The following RAPGEF1 variants were observed in gnomAD, a reference collection of about 807,000 sequenced individuals.
The protein encoded by RAPGEF1 is CRK SH3-binding GNRP.
A neutral mutation model predicts 143.3 loss-of-function variants in RAPGEF1; 33 were observed. The ratio of observed to expected loss-of-function variants is 0.23; its 90% confidence interval spans 0.17 to 0.31. The LOEUF (loss-of-function observed/expected upper bound fraction) is 0.31, where lower values mean the gene tolerates loss of function less well. RAPGEF1 is among the 10% of genes least tolerant of loss of function. The probability of loss-of-function intolerance (pLI) is 1.00; values close to 1 mark genes in which losing one functional copy is unlikely to be tolerated. For synonymous variants in RAPGEF1, 629 were observed against 676.5 expected, an observed-to-expected ratio of 0.93 and a Z score of 1.09; for missense variants, 1,199 against 1,645.4, an observed-to-expected ratio of 0.73 and a Z score of 4.69.
chr9:131,582,584 C>T (rs1952036978), intron 25 of RAPGEF1, 21 bp downstream of exon 25: 18 of 1,481,972 alleles, frequency 1.2e-5, no homozygotes, highest in Non-Finnish European at 1.4e-5. Flanking sequence ...GGGCTGGGGG[C>T]CTGGAGGGGC....
At chr9:131,724,083 C>G (rs896101490) in intron 1 of RAPGEF1, among the ~76,000 whole-genome samples, 1 of 152,194 alleles carries the variant, frequency 6.6e-6, no homozygotes, top group African/African-American at 2.4e-5. Flanking sequence ...GTGAAAAACA[C>G]AGGTTTCATA....
At position 131,582,604 on chromosome 9, in the gene RAPGEF1, C is replaced by T; in HGVS notation, c.3512+1G>A. On this transcript the variant is annotated splice_donor_variant, in intron 25 of 26. Transcript: ENST00000683357. LOFTEE classifies it high-confidence loss of function. ...GGGGGCCTGGAGGGGCTGCTACTCA[C>T]AGGTACGGGATGCACGGCGGTTCCA... The T allele has an allele frequency of 6.6e-7, 1 of 1,513,146 alleles. No individual in the cohort carries two copies. The allele number at this position is 1,513,146 out of a possible 1,614,324, so 93.7% of individuals were successfully genotyped here.
rs1409661309 is a variant in RAPGEF1, at chr9:131,619,223, A to G, written c.1906-17T>C. The G allele has an allele frequency of 3.8e-6, 5 of 1,301,646 alleles. No individual in the cohort carries two copies. Among genetic ancestry groups the G allele is most frequent in the Non-Finnish European group, 3.0e-6 (3 of 986,818 alleles). The allele number at this position is 1,301,646 out of a possible 1,614,324, so 80.6% of individuals were successfully genotyped here. On this transcript the variant is annotated splice_polypyrimidine_tract_variant and intron_variant, in intron 11 of 26. Coordinates refer to ENST00000683357, the MANE Select transcript of RAPGEF1 (RefSeq NM_001377935.1). ...ACAGGAGGCCTGCTGGACAGAGGGGAGGAGAGAGAAGGCAGGGAAGGAGGG... is the reference window on the plus strand; with the variant it reads ...ACAGGAGGCCTGCTGGACAGAGGGGGGGAGAGAGAAGGCAGGGAAGGAGGG...
At chr9:131,617,938 T>C (rs1181871448) in intron 12 of RAPGEF1, among the ~76,000 whole-genome samples, 1 of 152,230 alleles carries the variant, frequency 6.6e-6, no homozygotes, top group Non-Finnish European at 1.5e-5. Flanking sequence ...TTCCTGGACA[T>C]GCGCAGATGC....
At chr9:131,597,474 A>T (rs1182176658) in intron 16 of RAPGEF1, among the ~76,000 whole-genome samples, 1 of 152,220 alleles carries the variant, frequency 6.6e-6, no homozygotes, top group East Asian at 1.9e-4. Context: ...CGCAAAGGGC[A>T]GTATCTGCCC....
intron 10 of RAPGEF1, among the ~76,000 whole-genome samples, chr9:131,625,211 G>C (rs557749318): frequency 1.3e-5 from 2 of 152,360 alleles, no homozygotes; most frequent in East Asian, 3.9e-4. Flanking sequence ...AACTATGCTA[G>C]TGAAGCAGGG....
intron 1 of RAPGEF1, among the ~76,000 whole-genome samples, chr9:131,678,998 A>G (rs1028455088): frequency 3.3e-5 from 5 of 152,212 alleles, no homozygotes; most frequent in African/African-American, 9.6e-5. Flanking sequence ...CAGCAGGAGC[A>G]GGACAGATTA....
chr9:131,621,661 G>A lies in RAPGEF1; in HGVS notation c.1905+135C>T. The stretch of plus-strand genomic sequence containing the variant: ...AGTAAAAGCATCTGTGTGGGAGATG[G>A]TGCCTTCCACGCCCAAAACCAGGGC... On this transcript the variant is annotated intron_variant, in intron 11 of 26. Transcript: ENST00000683357. The surrounding 1 kb of genome is among the most constrained non-coding windows in gnomAD (Gnocchi z 4.5). 1.2e-6 allele frequency: 1 copy of A among 860,964 alleles called. No homozygotes were observed. The highest frequency in any genetic ancestry group is 1.8e-6 in the Non-Finnish European group (1 of 559,526). The allele number at this position is 860,964 out of a possible 1,614,324, so 53.3% of individuals were successfully genotyped here. A position where few individuals can be genotyped will look rare whatever the true frequency, so the allele number is the denominator to read the frequency against.
At chr9:131,644,981 G>A (rs1007708874) in intron 3 of RAPGEF1, among the ~76,000 whole-genome samples, 2 of 152,208 alleles carry the variant, frequency 1.3e-5, no homozygotes, top group African/African-American at 4.8e-5. Flanking sequence ...AAGGTGTCCT[G>A]CAGACTAGAA....
intron 25 of RAPGEF1, among the ~76,000 whole-genome samples, chr9:131,581,176 A>G (rs1420361467): frequency 2.3e-5 from 1 of 44,172 alleles, no homozygotes; most frequent in Non-Finnish European, 4.7e-5. Context: ...CAAAAAAAGA[A>G]AAAAAAAAAG....
chr9:131,658,674 C>T (rs752099567), intron 1 of RAPGEF1, among the ~76,000 whole-genome samples: 1 of 152,108 alleles, frequency 6.6e-6, no homozygotes, highest in Non-Finnish European at 1.5e-5. Context: ...AGAGGATGGG[C>T]CGGAGGAGAG....
At chr9:131,713,380 G>A (rs1314849185) in intron 1 of RAPGEF1, among the ~76,000 whole-genome samples, 6 of 152,066 alleles carry the variant, frequency 3.9e-5, no homozygotes, top group African/African-American at 7.2e-5. Flanking sequence ...AGGGATCAAC[G>A]CTAGGCATTT....
chr9:131,693,472 C>T (rs950881974), intron 1 of RAPGEF1, among the ~76,000 whole-genome samples: 9 of 152,110 alleles, frequency 5.9e-5, no homozygotes, highest in Non-Finnish European at 1.3e-4. Flanking sequence ...ATAGCCAAAT[C>T]CCCAAACAGG....
At chr9:131,729,460 C>G (rs762071173) in intron 1 of RAPGEF1, among the ~76,000 whole-genome samples, 1 of 152,212 alleles carries the variant, frequency 6.6e-6, no homozygotes, top group Non-Finnish European at 1.5e-5. Context: ...AGCAAATGTA[C>G]TTTTTAAGCC....
intron 1 of RAPGEF1, among the ~76,000 whole-genome samples, chr9:131,734,287 T>C (rs1837279111): frequency 6.6e-6 from 1 of 152,232 alleles, no homozygotes; most frequent in African/African-American, 2.4e-5. Context: ...GGGCCTTAGC[T>C]GCCCTGAGGG....
In RAPGEF1 at chr9:131,675,933, G is replaced by A. The variant is rs536409665; in HGVS notation, c.62-24984C>T. 1.3e-5 allele frequency among the ~76,000 whole-genome samples: 2 copies of A among 148,608 alleles called. No homozygotes were observed. The highest frequency in any genetic ancestry group is 4.3e-4 in the South Asian group (2 of 4,692). On this transcript the variant is annotated intron_variant, in intron 1 of 26. Transcript: ENST00000683357. The surrounding 1 kb of genome is among the most constrained non-coding windows in gnomAD (Gnocchi z 4.6). ...CAGTCTTTTTTTTTTTTTTAATCTC[G>A]CCCTGTGGCCCAGGCTGGAGTGTAG...
intron 1 of RAPGEF1, among the ~76,000 whole-genome samples, chr9:131,692,983 C>A (rs1833888959): frequency 6.6e-6 from 1 of 152,170 alleles, no homozygotes; most frequent in African/African-American, 2.4e-5. Flanking sequence ...TGGTTTGGTT[C>A]ATGGGGACCC....
At chr9:131,690,368 G>T (rs568721071) in intron 1 of RAPGEF1, among the ~76,000 whole-genome samples, 1 of 152,290 alleles carries the variant, frequency 6.6e-6, no homozygotes, top group East Asian at 1.9e-4. Flanking sequence ...ATCAGAAAAT[G>T]GTAAAAGGTT....
chr9:131,652,666 A>C (rs879140471), intron 1 of RAPGEF1, among the ~76,000 whole-genome samples: 2 of 152,188 alleles, frequency 1.3e-5, no homozygotes, highest in Non-Finnish European at 2.9e-5. Flanking sequence ...TCTTCAGAGT[A>C]ATAAAATGCA....
Sources: allele counts gnomAD v4.1 joint callset (sites outside exome capture counted in the v4.1 genomes callset), GRCh38; gene constraint gnomAD v4.1.1; non-coding constraint Gnocchi (gnomAD v3.1); transcripts MANE v1.5; gene names NCBI Gene and HGNC (gene_info 2026-07-23, HGNC 2026-07-21).